MARCHF8: variants seen among roughly 807,000 people sequenced by gnomAD.
MARCHF8 encodes the protein E3 ubiquitin-protein ligase MARCHF8.
In MARCHF8, 40 loss-of-function variants were observed where a neutral mutation model predicts 51.6. The ratio of observed to expected loss-of-function variants is 0.77; its 90% CI spans 0.60 to 1.01. The LOEUF (loss-of-function observed/expected upper bound fraction) is 1.01. MARCHF8 is among the 50% of genes least tolerant of loss of function. The pLI is 0.00. For missense variants in MARCHF8, 685 were observed against 708.6 expected (o/e 0.97, Z 0.38); for synonymous variants, 263 against 280.3 (o/e 0.94, Z 0.62).
intron 3 of MARCHF8, among the ~76,000 whole-genome samples, chr10:45,475,412 G>A (rs548791455): frequency 2.6e-5 from 4 of 152,154 alleles, no homozygotes; most frequent in East Asian, 1.9e-4. Context: ...CCCCGGGGGG[G>A]GCTGAAGTAT....
chr10:45,523,818 G>A (rs930966479), intron 2 of MARCHF8, among the ~76,000 whole-genome samples: 3 of 152,110 alleles, frequency 2.0e-5, no homozygotes, highest in African/African-American at 7.2e-5. Flanking sequence ...GTTTTACCTA[G>A]ATTATGTACA....
intron 2 of MARCHF8, among the ~76,000 whole-genome samples, chr10:45,532,638 C>G (rs1228632691): frequency 6.6e-6 from 1 of 152,218 alleles, no homozygotes; most frequent in Non-Finnish European, 1.5e-5. Flanking sequence ...TCCAACCATG[C>G]TGGCACCCTG....
chr10:45,559,725 TA>T (rs931808131), intron 1 of MARCHF8, among the ~76,000 whole-genome samples: 5 of 151,988 alleles, frequency 3.3e-5, no homozygotes, highest in Non-Finnish European at 5.9e-5. Flanking sequence ...TAGAAACCCA[TA>T]AAAAAAATTC....
At chr10:45,554,725 G>C (rs2044232496) in intron 1 of MARCHF8, among the ~76,000 whole-genome samples, 1 of 152,156 alleles carries the variant, frequency 6.6e-6, no homozygotes, top group Non-Finnish European at 1.5e-5. Context: ...TTCGAGACCA[G>C]CCTGACCAAA....
chr10:45,473,336 T>C (rs1013958055), intron 3 of MARCHF8, among the ~76,000 whole-genome samples: 6 of 152,214 alleles, frequency 3.9e-5, no homozygotes, highest in African/African-American at 1.4e-4. Context: ...GAGGTACATA[T>C]CACAGTCTGC....
chr10:45,461,674 T>C (rs1842792381), intron 5 of MARCHF8: 1 of 306,452 alleles, frequency 3.3e-6, no homozygotes, highest in East Asian at 5.3e-5. Flanking sequence ...GCTGTCATTT[T>C]TTGGTAAGAA....
chr10:45,536,268 T>C (rs1044272537), upstream of MARCHF8, among the ~76,000 whole-genome samples: 14 of 152,092 alleles, frequency 9.2e-5, no homozygotes, highest in African/African-American at 2.7e-4. Flanking sequence ...GTCAGCTGAT[T>C]TTCAAGAAGG....
chr10:45,483,301 C>A (rs1001542599), intron 3 of MARCHF8, among the ~76,000 whole-genome samples: 4 of 152,116 alleles, frequency 2.6e-5, no homozygotes, highest in African/African-American at 9.7e-5. Flanking sequence ...AAAACACAAA[C>A]AATCCCATTA....
intron 1 of MARCHF8, among the ~76,000 whole-genome samples, chr10:45,566,145 T>A (rs1375446479): frequency 6.6e-6 from 1 of 152,166 alleles, no homozygotes; most frequent in Non-Finnish European, 1.5e-5. Context: ...TTTCTTAGAT[T>A]TCTGTGGGCA....
chr10:45,500,872 T>C (rs1263204487), intron 2 of MARCHF8, among the ~76,000 whole-genome samples: 1 of 151,792 alleles, frequency 6.6e-6, no homozygotes, highest in African/African-American at 2.4e-5. Flanking sequence ...TATATATATA[T>C]ATACATATAT....
chr10:45,499,896 A>T (rs2043248062), intron 2 of MARCHF8, among the ~76,000 whole-genome samples: 1 of 152,082 alleles, frequency 6.6e-6, no homozygotes, highest in African/African-American at 2.4e-5. Context: ...TTTTTGTTCA[A>T]ATTGTTCTGG....
chr10:45,586,774 A>AT (rs566631057), intron 1 of MARCHF8, among the ~76,000 whole-genome samples: 30 of 150,016 alleles, frequency 2.0e-4, no homozygotes, highest in Non-Finnish European at 3.0e-4. Context: ...TGCTCCACAA[A>AT]TTTTTTTTTT....
intron 3 of MARCHF8, among the ~76,000 whole-genome samples, chr10:45,477,411 T>C (rs1326268712): frequency 6.6e-6 from 1 of 152,050 alleles, no homozygotes; most frequent in Non-Finnish European, 1.5e-5. Flanking sequence ...AACCTACTGG[T>C]AGAGCAAGCA....
intron 3 of MARCHF8, among the ~76,000 whole-genome samples, chr10:45,467,209 C>A (rs916881863): frequency 6.6e-6 from 1 of 152,160 alleles, no homozygotes; most frequent in African/African-American, 2.4e-5. Context: ...CAGGTATGTC[C>A]GATCCTCATC....
At chr10:45,471,502 CTG>C (rs762533333) in intron 3 of MARCHF8, among the ~76,000 whole-genome samples, 3 of 152,208 alleles carry the variant, frequency 2.0e-5, no homozygotes, top group Non-Finnish European at 2.9e-5. Context: ...GTGAAAGGGG[CTG>C]TGTTTGTGAG....
chr10:45,509,974 G>A lies in MARCHF8; in HGVS notation c.103-20557C>T, dbSNP rs1249733628. ...CTCTTGCTGTGCCCAGCTGAACAAC[G>A]CCTGTAATCTGGGGAAAGAAGACTA... On this transcript the variant is annotated intron_variant, in intron 2 of 7. Transcript: ENST00000453424. Among the ~76,000 whole-genome samples, 6 of 147,888 alleles carry A rather than the reference G, an allele frequency of 4.1e-5. No individual in the cohort carries two copies. The South Asian group carries it at 1.0e-3, about 26-fold the overall frequency.
chr10:45,555,499 G>A (rs1405926144), intron 1 of MARCHF8, among the ~76,000 whole-genome samples: 1 of 151,892 alleles, frequency 6.6e-6, no homozygotes, highest in East Asian at 1.9e-4. Flanking sequence ...TACTTTGTGA[G>A]GCCGAGGTAG....
intron 2 of MARCHF8, among the ~76,000 whole-genome samples, chr10:45,511,397 CT>C (rs2043499125): frequency 6.6e-6 from 1 of 152,086 alleles, no homozygotes; most frequent in African/African-American, 2.4e-5. Context: ...CTCCCTCTCC[CT>C]CTCCCCACGG....
rs371863155 is a variant in MARCHF8, at chr10:45,455,006, T to A, written c.*3233A>T. On this transcript the variant is annotated 3_prime_UTR_variant, in exon 8 of 8. Transcript: ENST00000453424. ...ACTTCAAAACAGAAAGTACTTCAAT[T>A]GTGTATTTGCCTTCAGCCACATCCA... is the stretch of plus-strand genomic sequence containing the variant. The A allele has an allele frequency of 2.0e-5, 3 of 152,314 alleles. No homozygotes were observed. The East Asian group carries it at 5.8e-4, about 29-fold the overall frequency. The allele number at this position is 152,314 out of a possible 1,614,324, so 9.4% of individuals were successfully genotyped here.
Sources: gnomAD v4.1 joint callset for allele counts (sites outside exome capture counted in the v4.1 genomes callset) on GRCh38, gnomAD v4.1.1 for gene constraint, MANE v1.5 for transcripts, NCBI Gene and HGNC (gene_info 2026-07-23, HGNC 2026-07-21) for gene names.